Variants in ITSN1 observed in about 807,000 individuals in gnomAD.
The protein encoded by ITSN1 is intersectin-1.
A neutral mutation model predicts 239.8 loss-of-function variants in ITSN1; 58 were observed. The observed-to-expected ratio is 0.24, with a 90% CI of 0.20 to 0.30. The LOEUF is 0.30. Ranked by LOEUF, ITSN1 falls within the 10% of genes least tolerant of loss-of-function variation. The pLI, the probability that ITSN1 is intolerant of heterozygous loss-of-function variation, is 1.00. For missense variants in ITSN1, 1,558 were observed against 2,103.3 expected (o/e 0.74, Z 5.07); for synonymous variants, 780 against 770.8 (o/e 1.01, Z -0.20).
chr21:33,780,169 G>A (rs2070039126), intron 14 of ITSN1, among the ~76,000 whole-genome samples: 1 of 151,920 alleles, frequency 6.6e-6, no homozygotes, highest in African/African-American at 2.4e-5. Context: ...ATATTCTCCT[G>A]GAAAATTTAG....
intron 1 of ITSN1, among the ~76,000 whole-genome samples, chr21:33,710,121 C>T (rs560373962): frequency 1.3e-4 from 19 of 150,890 alleles, no homozygotes; most frequent in Middle Eastern, 6.8e-3. Context: ...CTTTGTCACC[C>T]GGGCTGGAGT....
At chr21:33,672,277 T>G (rs1007492830) in intron 1 of ITSN1, among the ~76,000 whole-genome samples, 1 of 152,308 alleles carries the variant, frequency 6.6e-6, no homozygotes, top group Middle Eastern at 3.4e-3. Context: ...CACGTGTTTT[T>G]AAAAATCATA....
chr21:33,737,748 AT>A, intron 5 of ITSN1, among the ~76,000 whole-genome samples: 1 of 151,972 alleles, frequency 6.6e-6, no homozygotes, highest in African/African-American at 2.4e-5. Context: ...TAATTTTTGT[AT>A]TTTTAATAGA....
chr21:33,756,243 A>C (rs918116453), intron 8 of ITSN1, among the ~76,000 whole-genome samples: 1 of 148,884 alleles, frequency 6.7e-6, no homozygotes, highest in Non-Finnish European at 1.5e-5. Flanking sequence ...AGTCAAGATC[A>C]TGCCACTGCA....
chr21:33,707,547 T>C (rs1353773685), intron 1 of ITSN1, among the ~76,000 whole-genome samples: 1 of 152,234 alleles, frequency 6.6e-6, no homozygotes, highest in African/African-American at 2.4e-5. Flanking sequence ...CTGTTTTGTG[T>C]CCTTTCTTCT....
At chr21:33,809,815 C>T (rs1203985932) in intron 20 of ITSN1, among the ~76,000 whole-genome samples, 3 of 151,852 alleles carry the variant, frequency 2.0e-5, no homozygotes, top group African/African-American at 7.3e-5. Flanking sequence ...TTTTTTGAGA[C>T]GGAGTTTCAC....
intron 1 of ITSN1, among the ~76,000 whole-genome samples, chr21:33,708,350 T>G (rs957023866): frequency 5.3e-5 from 8 of 152,094 alleles, no homozygotes; most frequent in African/African-American, 7.2e-5. Flanking sequence ...TGTTTTTTTG[T>G]TTTTTTTATT....
At chr21:33,857,443 C>T (rs112575505) in intron 30 of ITSN1, among the ~76,000 whole-genome samples, 2,578 of 152,276 alleles carry the variant, frequency 0.017, 70 homozygotes, top group African/African-American at 0.058. Flanking sequence ...ATGCGGAGCC[C>T]GGCGCTCCTG....
intron 1 of ITSN1, among the ~76,000 whole-genome samples, chr21:33,681,283 C>G (rs1474780370): frequency 1.3e-5 from 2 of 152,184 alleles, no homozygotes; most frequent in African/African-American, 4.8e-5. Flanking sequence ...GCAGGAAGCT[C>G]TGCAGCCTGT....
chr21:33,840,145 T>C (rs529648467), intron 29 of ITSN1, among the ~76,000 whole-genome samples: 2 of 152,308 alleles, frequency 1.3e-5, no homozygotes, highest in African/African-American at 4.8e-5. Flanking sequence ...TTCAAAATCT[T>C]ATTCTTGTTT....
chr21:33,813,978 C>T lies in ITSN1; in HGVS notation c.2633C>T (p.Ser878Phe), dbSNP rs1351533048. 1.8e-5 allele frequency: 29 copies of T among 1,614,082 alleles called. No homozygotes were observed. Among genetic ancestry groups the T allele is most frequent in the Non-Finnish European group, 2.4e-5 (28 of 1,180,046 alleles). ...TGGGATGCATGGGCAGCCCAGCCCT[C>T]TCTCACCGTTCCAAGTGCCGGCCAG... ...DNWDAWAAQP[S>F]LTVPSAGQLR... Residue 878 changes from serine to phenylalanine, a missense_variant, in exon 22 of 40, where the codon TCT becomes TTT. Ser to Phe is a radical substitution (Grantham distance 155, BLOSUM62 -2). Coordinates refer to ENST00000381318, the MANE Select transcript of ITSN1 (RefSeq NM_003024.3).
intron 5 of ITSN1, among the ~76,000 whole-genome samples, chr21:33,737,672 C>T (rs150718943): frequency 0.021 from 3,271 of 152,162 alleles, 68 homozygotes; most frequent in African/African-American, 0.06. Flanking sequence ...CTCCCGGGTT[C>T]AAGCAGTTCT....
At chr21:33,697,376 C>G (rs923061194) in intron 1 of ITSN1, among the ~76,000 whole-genome samples, 3 of 151,824 alleles carry the variant, frequency 2.0e-5, no homozygotes, top group African/African-American at 7.3e-5. Context: ...GCCACTGTGC[C>G]TAGCCTAGAT....
chr21:33,766,685 A>C (rs560823224), intron 10 of ITSN1, among the ~76,000 whole-genome samples: 3 of 152,334 alleles, frequency 2.0e-5, no homozygotes. Flanking sequence ...CCTTTAAATG[A>C]AGAGAAATAG....
chr21:33,674,808 A>T (rs2090497069), intron 1 of ITSN1, among the ~76,000 whole-genome samples: 1 of 152,220 alleles, frequency 6.6e-6, no homozygotes, highest in Non-Finnish European at 1.5e-5. Flanking sequence ...AAACATTTCT[A>T]TTCTAAAAGA....
rs1387936579 is a variant in ITSN1, at chr21:33,837,312, A to C, written c.3661+680A>C. On this transcript the variant is annotated intron_variant, in intron 29 of 39. Coordinates refer to ENST00000381318, the MANE Select transcript of ITSN1 (RefSeq NM_003024.3). ...CCACCTTTGCACAGGTGCTTTCAAT[A>C]GTTTTAAAATTATTTTTAAATATAT... 7.1e-6 allele frequency: 8 copies of C among 1,126,210 alleles called. No homozygotes were observed. In the South Asian group the frequency reaches 2.7e-4, roughly 38 times the overall value. 69.8% of individuals were successfully genotyped at this position (1,126,210 alleles called of 1,614,324 possible). A position where few individuals can be genotyped will look rare whatever the true frequency, so the allele number is the denominator to read the frequency against.
chr21:33,674,257 G>A (rs1195275940), intron 1 of ITSN1, among the ~76,000 whole-genome samples: 1 of 152,140 alleles, frequency 6.6e-6, no homozygotes, highest in Non-Finnish European at 1.5e-5. Context: ...ATATTTAGCA[G>A]CTCAGTCTGT....
chr21:33,762,993 A>G (rs1602083854), intron 9 of ITSN1, among the ~76,000 whole-genome samples: 2 of 152,094 alleles, frequency 1.3e-5, no homozygotes, highest in South Asian at 2.1e-4. Flanking sequence ...CATAACAGCA[A>G]TAGCTCACCT....
intron 20 of ITSN1, among the ~76,000 whole-genome samples, chr21:33,810,525 A>C (rs944183844): frequency 6.6e-6 from 1 of 152,218 alleles, no homozygotes; most frequent in Non-Finnish European, 1.5e-5. Flanking sequence ...ATACTGAATA[A>C]ATACTACTTA....
Sources: allele counts gnomAD v4.1 joint callset (sites outside exome capture counted in the v4.1 genomes callset), GRCh38; gene constraint gnomAD v4.1.1; transcripts MANE v1.5; gene names NCBI Gene and HGNC (gene_info 2026-07-23, HGNC 2026-07-21).